Variants in GALNS observed in about 807,000 individuals in gnomAD.
The protein encoded by GALNS is N-acetylgalactosamine-6-sulfatase.
In GALNS, 65 loss-of-function variants were observed where a neutral mutation model predicts 65.9. That is an observed-to-expected ratio of 0.99 (90% CI 0.81 to 1.21). The LOEUF (loss-of-function observed/expected upper bound fraction) is 1.21, where lower values mean the gene tolerates loss of function less well. Ranked by LOEUF, GALNS falls within the 50% of genes most tolerant of loss-of-function variation. GALNS has a pLI of 0.00. For synonymous variants in GALNS, 346 were observed against 288.9 expected (o/e 1.20, Z -2.00); for missense variants, 776 against 700.7 (o/e 1.11, Z -1.21).
intron 1 of GALNS, chr16:88,856,221 C>CTCCA (rs1200426682): frequency 2.8e-6 from 2 of 703,042 alleles, no homozygotes; most frequent in Non-Finnish European, 5.2e-6. Flanking sequence ...GCTCAGCATT[C>CTCCA]TCCAGAGGAC....
rs1032068378 is a variant in GALNS, at chr16:88,814,253, G to C, written c.*186C>G. 5 of 778,560 alleles carry C rather than the reference G, an allele frequency of 6.4e-6. No individual in the cohort carries two copies. The highest frequency in any genetic ancestry group is 4.4e-5 in the Admixed American group (2 of 45,306). 48.2% of individuals were successfully genotyped at this position (778,560 alleles called of 1,614,324 possible). ...AAATCTGAGGCGCCGTGGGCGAGGAGGAGGGCCAAGCACACGCCAGGGTCA... is the reference window on the plus strand; with the variant it reads ...AAATCTGAGGCGCCGTGGGCGAGGACGAGGGCCAAGCACACGCCAGGGTCA... On this transcript the variant is annotated 3_prime_UTR_variant, in exon 14 of 14. Transcript: ENST00000268695.
intron 13 of GALNS, 105 bp from the exon 14 acceptor site, chr16:88,814,630 G>A (rs1410840444): frequency 2.6e-6 from 4 of 1,530,114 alleles, no homozygotes; most frequent in Admixed American, 2.0e-5. Flanking sequence ...GTCTCACTCT[G>A]TCACCCAGGC....
chr16:88,818,396 G>C (rs1176608820), intron 12 of GALNS, among the ~76,000 whole-genome samples: 4 of 152,334 alleles, frequency 2.6e-5, no homozygotes, highest in African/African-American at 7.2e-5. Flanking sequence ...GAGTAGAGCC[G>C]TCCCATCCTG....
rs139484864 is a variant in GALNS, at chr16:88,817,041, C to T, written c.1482+966G>A. The T allele has an allele frequency of 7.1e-6, 7 of 985,398 alleles. No homozygotes were observed. The African/African-American group carries it at 1.0e-4, about 15-fold the overall frequency. 61.0% of individuals were successfully genotyped at this position (985,398 alleles called of 1,614,324 possible). A position where few individuals can be genotyped will look rare whatever the true frequency, so the allele number is the denominator to read the frequency against. ...TGTGGCTCGTTTTTGCCGACTAGAG[C>T]GAGGGCCGCACGTGTCCCATCTGAA... is the stretch of plus-strand genomic sequence containing the variant. On this transcript the variant is annotated intron_variant, in intron 13 of 13. Transcript: ENST00000268695.
chr16:88,824,518 C>A lies in GALNS; in HGVS notation c.1242+249G>T, dbSNP rs181275845. Among the ~76,000 whole-genome samples, 3 of 152,206 alleles carry A rather than the reference C, an allele frequency of 2.0e-5. No homozygotes were observed. In the East Asian group the frequency reaches 5.8e-4, roughly 29 times the overall value. The stretch of plus-strand genomic sequence containing the variant: ...CCACCTGACCAGGGTCTAGGCCACG[C>A]CTGTAGCTATGCCGCGGGGCTACTG... On this transcript the variant is annotated intron_variant, in intron 11 of 13. Transcript: ENST00000268695.
intron 5 of GALNS, among the ~76,000 whole-genome samples, chr16:88,837,067 T>G (rs9929837): frequency 0.05 from 7,675 of 152,234 alleles, 637 homozygotes; most frequent in African/African-American, 0.17. Context: ...CGTCATGTAA[T>G]GAATGAGCAC....
intron 9 of GALNS, among the ~76,000 whole-genome samples, chr16:88,827,811 G>C (rs118088811): frequency 0.041 from 6,316 of 152,318 alleles, 163 homozygotes; most frequent in South Asian, 0.083. Context: ...GGGCTGGAGA[G>C]ACACCCCTGC....
chr16:88,815,652 G>A, intron 13 of GALNS: 1 of 985,484 alleles, frequency 1.0e-6, no homozygotes, highest in Non-Finnish European at 1.2e-6. Context: ...ACGCCGCATG[G>A]CCCTGAGGGC....
rs56004957 is a variant in GALNS, at chr16:88,837,870, A to G, written c.423-105T>C. The G allele has an allele frequency of 8.9e-4, 1,039 of 1,172,456 alleles. 4 individuals are homozygous for G. The African/African-American group carries it at 0.012, about 13-fold the overall frequency. 72.6% of individuals were successfully genotyped at this position (1,172,456 alleles called of 1,614,324 possible). A position where few individuals can be genotyped will look rare whatever the true frequency, so the allele number is the denominator to read the frequency against. On this transcript the variant is annotated intron_variant, in intron 4 of 13. Transcript: ENST00000268695. ...TCACAAAATTCTTGGTAAGACGAGCACCCTCCAGCACTGAGTATGGGCTAT... is the reference window on the plus strand; with the variant it reads ...TCACAAAATTCTTGGTAAGACGAGCGCCCTCCAGCACTGAGTATGGGCTAT...
At position 88,818,448 on chromosome 16, in the gene GALNS, C is replaced by T. The variant is rs12933643; in HGVS notation, c.1365-324G>A. ...GGACCCGGGATATGTGGGCTGGGGC[C>T]TGTGGGTCTCCCCAGCACTCACTAC... On this transcript the variant is annotated intron_variant, in intron 12 of 13. Coordinates refer to ENST00000268695, the MANE Select transcript of GALNS (RefSeq NM_000512.5). Among the ~76,000 whole-genome samples, 4,019 of 152,318 alleles carry T rather than the reference C, an allele frequency of 0.026. 96 individuals are homozygous for T. The highest frequency in any genetic ancestry group is 0.042 in the Non-Finnish European group (2,853 of 68,026).
chr16:88,824,977 T>A, intron 10 of GALNS, 108 bp from the exon 11 acceptor site: 1 of 829,184 alleles, frequency 1.2e-6, no homozygotes, highest in Non-Finnish European at 2.0e-6. Context: ...CCACGTGAGG[T>A]CTTGGTTGAT....
chr16:88,845,039 T>A (rs1967178830), intron 1 of GALNS: 1 of 152,222 alleles, frequency 6.6e-6, no homozygotes, highest in Non-Finnish European at 1.5e-5. Flanking sequence ...ATGCCTGGCT[T>A]ATGGGTTTAA....
chr16:88,822,493 G>T, intron 12 of GALNS, 96 bp downstream of exon 12: 1 of 1,514,754 alleles, frequency 6.6e-7, no homozygotes, highest in Non-Finnish European at 9.1e-7. Flanking sequence ...GGGAGGCGGC[G>T]GGCAGGGTGC....
At chr16:88,840,396 A>G (rs184501719) in intron 4 of GALNS, 46 of 157,390 alleles carry the variant, frequency 2.9e-4, no homozygotes, top group Admixed American at 2.7e-3. Flanking sequence ...AATTCGGGAC[A>G]GGTGACTCCT....
rs115789441 is a variant in GALNS at position 88,826,594 on chromosome 16, G to A, written c.1139+108C>T. On this transcript the variant is annotated intron_variant, in intron 10 of 13. Transcript: ENST00000268695. ...TCCTGCCCTGGGCACGAGCACGCCT[G>A]TGTCCAGAACCAGGAGGGCTGCTGG... 53,760 of 1,365,276 alleles carry A rather than the reference G, an allele frequency of 0.039. 1,273 individuals are homozygous for A. Among genetic ancestry groups the A allele is most frequent in the South Asian group, 0.078 (6,027 of 77,228 alleles). The allele number at this position is 1,365,276 out of a possible 1,614,324, so 84.6% of individuals were successfully genotyped here.
In GALNS at chr16:88,813,849, C is replaced by T. The variant is rs959937066; in HGVS notation, c.*590G>A. The stretch of plus-strand genomic sequence containing the variant: ...AGCGTCCAGGGAAATTCCTTGTGGA[C>T]AAAGGACAGACGGAACTGGAAGTCA... On this transcript the variant is annotated 3_prime_UTR_variant, in exon 14 of 14. Coordinates refer to ENST00000268695, the MANE Select transcript of GALNS (RefSeq NM_000512.5). 9 of 158,654 alleles carry T rather than the reference C, an allele frequency of 5.7e-5. No individual in the cohort carries two copies. Among genetic ancestry groups the T allele is most frequent in the Admixed American group, 3.0e-4 (5 of 16,782 alleles). 9.8% of individuals were successfully genotyped at this position (158,654 alleles called of 1,614,324 possible).
intron 12 of GALNS, among the ~76,000 whole-genome samples, chr16:88,818,393 G>GCCGTC (rs1265200214): frequency 1.3e-5 from 2 of 152,216 alleles, no homozygotes; most frequent in Non-Finnish European, 2.9e-5. Flanking sequence ...TGTGAGTAGA[G>GCCGTC]CCGTCCCATC....
intron 8 of GALNS, among the ~76,000 whole-genome samples, chr16:88,834,604 C>A (rs1404620204): frequency 2.1e-5 from 3 of 144,716 alleles, no homozygotes; most frequent in Admixed American, 1.4e-4. Flanking sequence ...TGTAGGGCCC[C>A]CCCCGTGTGG....
At chr16:88,834,342 G>A (rs1175534353) in intron 8 of GALNS, among the ~76,000 whole-genome samples, 1 of 145,950 alleles carries the variant, frequency 6.9e-6, no homozygotes, top group Non-Finnish European at 1.5e-5. Flanking sequence ...CGTGGTCTGG[G>A]AAGAGGCTGC....
Sources: allele counts gnomAD v4.1 joint callset (sites outside exome capture counted in the v4.1 genomes callset), GRCh38; gene constraint gnomAD v4.1.1; transcripts MANE v1.5; gene names NCBI Gene and HGNC (gene_info 2026-07-23, HGNC 2026-07-21).